FKBP9: variants seen among roughly 807,000 people sequenced by gnomAD.
FKBP9 encodes peptidyl-prolyl cis-trans isomerase FKBP9.
In FKBP9, 27 loss-of-function variants were observed where a neutral mutation model predicts 55.6. The ratio of observed to expected loss-of-function variants is 0.49; its 90% CI spans 0.36 to 0.67. The LOEUF is 0.67. Among genes scored for constraint, FKBP9 ranks in the 30% least tolerant of loss-of-function variants. The probability of loss-of-function intolerance (pLI) is 0.00; values close to 1 mark genes in which losing one functional copy is unlikely to be tolerated. For missense variants in FKBP9, 539 were observed against 742.8 expected, an observed-to-expected ratio of 0.73 and a Z score of 3.19; for synonymous variants, 267 against 296.5, an observed-to-expected ratio of 0.90 and a Z score of 1.02.
At chr7:32,973,673 T>A (rs1188996850) in intron 1 of FKBP9, among the ~76,000 whole-genome samples, 5 of 121,662 alleles carry the variant, frequency 4.1e-5, no homozygotes, top group African/African-American at 1.7e-4. Context: ...TGAAATGAAG[T>A]TTTTTGTTGT....
intron 9 of FKBP9, 151 bp from the exon 10 acceptor site, chr7:33,005,024 A>C (rs1304626252): frequency 1.2e-5 from 16 of 1,372,480 alleles, no homozygotes; most frequent in Non-Finnish European, 1.5e-5. Flanking sequence ...CACAGATCAT[A>C]GGTCATATAG....
intron 1 of FKBP9, among the ~76,000 whole-genome samples, chr7:32,967,895 C>T (rs1048631152): frequency 6.6e-6 from 1 of 152,074 alleles, no homozygotes; most frequent in Non-Finnish European, 1.5e-5. Context: ...GCTGGGATTA[C>T]AGGCACCCAG....
chr7:32,961,207 T>C (rs4723225), intron 1 of FKBP9, among the ~76,000 whole-genome samples: 144,602 of 152,226 alleles, frequency 0.95, 68,765 homozygotes, highest in African/African-American at 0.99. Flanking sequence ...CCAAGGATGA[T>C]GAAAATTCAC....
chr7:32,993,104 C>A (rs1409293022), intron 6 of FKBP9: 5 of 232,570 alleles, frequency 2.1e-5, no homozygotes, highest in African/African-American at 8.8e-5. Context: ...CCCTTTTGCC[C>A]TGGAGAAGGC....
chr7:32,972,130 T>C (rs1784264741), intron 1 of FKBP9, among the ~76,000 whole-genome samples: 1 of 152,112 alleles, frequency 6.6e-6, no homozygotes, highest in Non-Finnish European at 1.5e-5. Context: ...AGTTTGATGA[T>C]AGCTTAGTGG....
intron 7 of FKBP9, among the ~76,000 whole-genome samples, chr7:32,996,881 G>A (rs1297446119): frequency 3.8e-5 from 5 of 132,530 alleles, no homozygotes; most frequent in East Asian, 2.4e-4. Context: ...TGCAAGCTCC[G>A]CTTCCCGGGT....
At chr7:32,958,964 G>A (rs1440991863) in intron 1 of FKBP9, among the ~76,000 whole-genome samples, 3 of 152,128 alleles carry the variant, frequency 2.0e-5, no homozygotes, top group Non-Finnish European at 4.4e-5. Context: ...TGTGCCCCAA[G>A]GCCTAGGGTC....
chr7:32,984,241 C>A (rs905550768), intron 5 of FKBP9, among the ~76,000 whole-genome samples: 1 of 145,296 alleles, frequency 6.9e-6, no homozygotes, highest in African/African-American at 2.6e-5. Flanking sequence ...GTAATATGTT[C>A]TTTTTTTTTT....
rs1783922461 is a variant in FKBP9, at chr7:32,957,520, A to G, written c.-54A>G. The G allele has an allele frequency of 1.5e-6, 2 of 1,304,584 alleles. No individual in the cohort carries two copies. Among genetic ancestry groups the G allele is most frequent in the Non-Finnish European group, 2.0e-6 (2 of 1,014,708 alleles). The allele number at this position is 1,304,584 out of a possible 1,614,324, so 80.8% of individuals were successfully genotyped here. ...CAAACGCAGCCGAACGCCCAGGCCG[A>G]CCCGTGCCGCCCGAGCGCCGCGCTG... On this transcript the variant is annotated 5_prime_UTR_variant, in exon 1 of 10. Coordinates refer to ENST00000242209, the MANE Select transcript of FKBP9 (RefSeq NM_007270.5).
At chr7:32,965,998 G>C (rs1784140233) in intron 1 of FKBP9, among the ~76,000 whole-genome samples, 1 of 147,782 alleles carries the variant, frequency 6.8e-6, no homozygotes, top group African/African-American at 2.5e-5. Context: ...TTCAAGACCA[G>C]CCTGGCCAAC....
At chr7:33,004,654 A>G (rs1407553989) in intron 9 of FKBP9, among the ~76,000 whole-genome samples, 1 of 151,970 alleles carries the variant, frequency 6.6e-6, no homozygotes, top group East Asian at 1.9e-4. Flanking sequence ...TTTCTGGAGC[A>G]TTTCACTTTG....
rs544558731 is a variant in FKBP9 at position 32,982,023 on chromosome 7, A to ATT, written c.893+1484_893+1485dup. ...TATTTTTAATTTTTCCAATGTCTGG[A>ATT]TTTTTTTTTTTTTTTGAGGCAGAGT... On this transcript the variant is annotated intron_variant, in intron 5 of 9. Coordinates refer to ENST00000242209, the MANE Select transcript of FKBP9 (RefSeq NM_007270.5). 2.5e-3 allele frequency among the ~76,000 whole-genome samples: 351 copies of ATT among 138,390 alleles called. 7 individuals carry two copies. Among genetic ancestry groups the ATT allele is most frequent in the South Asian group, 0.011 (48 of 4,382 alleles). The allele number at this position is 138,390 out of a possible 152,430, so 90.8% of individuals were successfully genotyped here. A position where few individuals can be genotyped will look rare whatever the true frequency, so the allele number is the denominator to read the frequency against.
chr7:32,968,288 G>A (rs1784186120), intron 1 of FKBP9, among the ~76,000 whole-genome samples: 1 of 152,158 alleles, frequency 6.6e-6, no homozygotes. Context: ...CTTCAACCTT[G>A]GATTACAGGC....
In FKBP9 at chr7:32,957,669, C is replaced by A; in HGVS notation, c.96C>A (p.Ser32=). 6.6e-7 allele frequency: 1 copy of A among 1,512,724 alleles called. No homozygotes were observed. The highest frequency in any genetic ancestry group is 1.2e-5 in the South Asian group (1 of 81,638). The allele number at this position is 1,512,724 out of a possible 1,614,324, so 93.7% of individuals were successfully genotyped here. A position where few individuals can be genotyped will look rare whatever the true frequency, so the allele number is the denominator to read the frequency against. Reference sequence around the variant, plus strand: ...CAGCGCCCGTGGCGGGCCTGGGCTCCGACGCGGAGCTGCAGATCGAGCGGC... The same window carrying A: ...CAGCGCCCGTGGCGGGCCTGGGCTCAGACGCGGAGCTGCAGATCGAGCGGC... ...GQAAPVAGLG[S]DAELQIERRF... is the part of the protein sequence containing the mutation. The change falls in exon 1 of 10, where the codon TCC becomes TCA. Residue 32 remains serine (S), a synonymous_variant. Coordinates refer to ENST00000242209, the MANE Select transcript of FKBP9 (RefSeq NM_007270.5).
At chr7:32,959,145 C>T (rs1186095898) in intron 1 of FKBP9, among the ~76,000 whole-genome samples, 1 of 152,028 alleles carries the variant, frequency 6.6e-6, no homozygotes, top group African/African-American at 2.4e-5. Flanking sequence ...GTGGCTCACG[C>T]CTGTAATCCC....
chr7:32,965,844 T>C, intron 1 of FKBP9, among the ~76,000 whole-genome samples: 1 of 37,516 alleles, frequency 2.7e-5, no homozygotes, highest in African/African-American at 1.2e-4. Context: ...TATATATATA[T>C]GTGTGTACAG....
rs1309886616 is a variant in FKBP9, at chr7:33,002,857, G to A, written c.1536+18G>A. On this transcript the variant is annotated intron_variant, in intron 9 of 9. Transcript: ENST00000242209. ...TGGAAGAGGTAACTAACTGGCCTCT[G>A]TAGGAAGGTGGGACCGAAGAGCTCA... 6.2e-7 allele frequency: 1 copy of A among 1,609,862 alleles called. No homozygotes were observed. The highest frequency in any genetic ancestry group is 1.3e-5 in the African/African-American group (1 of 74,854).
rs1024226015 is a variant in FKBP9 at position 33,000,212 on chromosome 7, C to T, written c.1324C>T (p.Arg442Trp). Reference protein sequence around the residue: ...GLREMCVGEKRTVIIPPHLGY... With the variant: ...GLREMCVGEKWTVIIPPHLGY... ...CAGAGAGATGTGCGTTGGCGAGAAACGGACAGTGATCATTCCGCCTCACCT... is the reference window on the plus strand; with the variant it reads ...CAGAGAGATGTGCGTTGGCGAGAAATGGACAGTGATCATTCCGCCTCACCT... The change falls in exon 8 of 10, where the codon CGG (arginine) becomes TGG (tryptophan). Residue 442 changes from arginine to tryptophan, a missense_variant. Physicochemically the swap from Arg to Trp is moderately radical, Grantham distance 101. Around this residue, in one of 4 missense-constraint regions of FKBP9, gnomAD observed 102 missense variants for 200.7 expected, o/e 0.51. Coordinates refer to ENST00000242209, the MANE Select transcript of FKBP9 (RefSeq NM_007270.5). The T allele has an allele frequency of 9.3e-6, 15 of 1,613,212 alleles. No homozygotes were observed. In the African/African-American group the frequency reaches 1.3e-4, roughly 14 times the overall value.
chr7:32,980,778 G>A (rs1784462233), intron 5 of FKBP9, among the ~76,000 whole-genome samples: 1 of 151,804 alleles, frequency 6.6e-6, no homozygotes, highest in African/African-American at 2.4e-5. Flanking sequence ...CATCCAGTGT[G>A]GAGTGCAGTG....
Sources: allele counts gnomAD v4.1 joint callset (sites outside exome capture counted in the v4.1 genomes callset), GRCh38; gene constraint gnomAD v4.1.1; regional missense constraint gnomAD v4.1.1; transcripts MANE v1.5; gene names NCBI Gene and HGNC (gene_info 2026-07-23, HGNC 2026-07-21).